Variants in CRYBG1 observed in about 807,000 individuals in gnomAD.
CRYBG1 encodes the protein beta/gamma crystallin domain-containing protein 1.
In CRYBG1, 139 loss-of-function variants were observed where a neutral mutation model predicts 189.2. That is an observed-to-expected ratio of 0.73 (90% CI 0.64 to 0.85). CRYBG1 has a LOEUF of 0.85. CRYBG1 is among the 40% of genes least tolerant of loss of function. CRYBG1 has a pLI of 0.00. For synonymous variants in CRYBG1, 1,023 were observed against 1,017.1 expected (o/e 1.01, Z -0.11); for missense variants, 2,611 against 2,675.8 (o/e 0.98, Z 0.53).
Position 106,473,034 on chromosome 6 carries a change from G to A in CRYBG1, c.312+21202G>A, listed in dbSNP as rs189013968. Among the ~76,000 whole-genome samples, 117 of 151,910 alleles carry A rather than the reference G, an allele frequency of 7.7e-4. 1 individual carries two copies. Among genetic ancestry groups the A allele is most frequent in the African/African-American group, 2.6e-3 (109 of 41,420 alleles). On this transcript the variant is annotated intron_variant, in intron 2 of 21. Transcript: ENST00000633556. ...TGTCATTTCTTACTTTTGTCAGCACGTACCTTTTCAAATCTTGAGGTTGTG... is the reference window on the plus strand; with the variant it reads ...TGTCATTTCTTACTTTTGTCAGCACATACCTTTTCAAATCTTGAGGTTGTG...
chr6:106,365,464 A>AAC (rs201492375), intron 1 of CRYBG1, among the ~76,000 whole-genome samples: 2 of 149,932 alleles, frequency 1.3e-5, no homozygotes, highest in South Asian at 4.2e-4. Context: ...AAAAAAAAAA[A>AAC]CATAAATAGA....
intron 2 of CRYBG1, among the ~76,000 whole-genome samples, chr6:106,483,849 AT>A (rs1490162775): frequency 6.6e-6 from 1 of 152,168 alleles, no homozygotes; most frequent in African/African-American, 2.4e-5. Context: ...TCTTTTGCCC[AT>A]TTTAAAATCA....
chr6:106,406,033 G>A (rs568292086), intron 1 of CRYBG1, among the ~76,000 whole-genome samples: 8 of 152,276 alleles, frequency 5.3e-5, no homozygotes, highest in South Asian at 2.1e-4. Context: ...TGAGTTTGAC[G>A]AATTGACAGA....
intron 2 of CRYBG1, among the ~76,000 whole-genome samples, chr6:106,481,398 T>G (rs142101026): frequency 1.6e-4 from 25 of 152,228 alleles, no homozygotes; most frequent in Non-Finnish European, 2.9e-4. Context: ...GCCATAGAAT[T>G]AAATCATGAG....
intron 16 of CRYBG1, among the ~76,000 whole-genome samples, chr6:106,554,541 G>A (rs1346435210): frequency 1.3e-5 from 2 of 151,974 alleles, no homozygotes; most frequent in African/African-American, 2.4e-5. Flanking sequence ...GAACCCAGGA[G>A]GCAGAGGTTG....
rs1774413106 is a variant in CRYBG1, at chr6:106,551,914, A to G, written c.5375A>G (p.Tyr1792Cys). Residue 1792 changes from tyrosine (Y) to cysteine (C), a missense_variant, in exon 14 of 22, where the codon TAT becomes TGT. Around this residue, in one of 3 missense-constraint regions of CRYBG1, gnomAD observed 1,622 missense variants for 1,735.0 expected, o/e 0.93. Coordinates refer to ENST00000633556, the MANE Select transcript of CRYBG1 (RefSeq NM_001371242.2). ...GEQYILDKGF[Y>C]TSFEDWGGKN... Reference sequence around the variant, plus strand: ...CAGTATATACTGGATAAAGGATTTTATACCAGTTTTGAGGACTGGGGAGGC... The same window carrying G: ...CAGTATATACTGGATAAAGGATTTTGTACCAGTTTTGAGGACTGGGGAGGC... 6.2e-7 allele frequency: 1 copy of G among 1,610,640 alleles called. No individual in the cohort carries two copies. The highest frequency in any genetic ancestry group is 1.3e-5 in the African/African-American group (1 of 74,980).
At position 106,525,289 on chromosome 6, in the gene CRYBG1, G is replaced by A. The variant is rs151152423; in HGVS notation, c.4315G>A (p.Asp1439Asn). The part of the protein sequence containing the change: ...PGKVVIYSEP[D>N]VSEKCIEVFS... ...GCAGGTAGTGATATATAGTGAACCC[G>A]ACGTCTCTGAGAAGTGCATTGAAGT... is the stretch of plus-strand genomic sequence containing the variant. The change falls in exon 6 of 22, where the codon GAC (aspartate) becomes AAC (asparagine). Residue 1439 changes from aspartate to asparagine, a missense_variant. This residue lies in a region of CRYBG1 where 1,622 missense variants were observed against 1,735.0 expected (regional missense o/e 0.93). Transcript: ENST00000633556. 7.4e-6 allele frequency: 12 copies of A among 1,613,970 alleles called. No individual in the cohort carries two copies. The highest frequency in any genetic ancestry group is 6.7e-5 in the East Asian group (3 of 44,866).
chr6:106,522,720 C>T (rs1773637804), intron 4 of CRYBG1, among the ~76,000 whole-genome samples: 1 of 152,156 alleles, frequency 6.6e-6, no homozygotes, highest in African/African-American at 2.4e-5. Flanking sequence ...CAGAAAATAC[C>T]TTGCACCTTT....
chr6:106,519,909 G>A lies in CRYBG1; in HGVS notation c.2701G>A (p.Asp901Asn). 1 of 1,614,136 alleles carries A rather than the reference G, an allele frequency of 6.2e-7. No individual in the cohort carries two copies. The change falls in exon 4 of 22, where the codon GAT becomes AAT. Residue 901 changes from aspartate to asparagine, a missense_variant. Coordinates refer to ENST00000633556, the MANE Select transcript of CRYBG1 (RefSeq NM_001371242.2). The part of the protein sequence containing the change: ...QSPISSFPCT[D>N]LKVSENHKGC... ...ACCCATAAGCAGTTTCCCATGCACT[G>A]ATCTAAAAGTGTCAGAAAACCATAA...
At chr6:106,460,079 C>T (rs552850896) in intron 2 of CRYBG1, among the ~76,000 whole-genome samples, 52 of 151,984 alleles carry the variant, frequency 3.4e-4, no homozygotes, top group Admixed American at 3.9e-4. Flanking sequence ...CTCTGCCTCC[C>T]GGGGTCATGC....
chr6:106,513,074 TC>T, intron 3 of CRYBG1, 35 bp downstream of exon 3: 1 of 1,577,634 alleles, frequency 6.3e-7, no homozygotes, highest in Non-Finnish European at 8.6e-7. Flanking sequence ...CGAGTTGCTG[TC>T]CGCACACGTG....
chr6:106,509,809 G>A (rs993241349), intron 2 of CRYBG1, among the ~76,000 whole-genome samples: 21 of 152,024 alleles, frequency 1.4e-4, no homozygotes, highest in Admixed American at 3.9e-4. Context: ...TGCTCTGACC[G>A]CCTCTCCCCC....
intron 4 of CRYBG1, among the ~76,000 whole-genome samples, chr6:106,523,955 C>T (rs1773670241): frequency 6.6e-6 from 1 of 152,134 alleles, no homozygotes; most frequent in Non-Finnish European, 1.5e-5. Context: ...TGGTCTCGAA[C>T]TCCTGACCTC....
At position 106,530,190 on chromosome 6, in the gene CRYBG1, T is replaced by C; in HGVS notation, c.4593T>C (p.Ser1531=). Residue 1531 remains serine, a synonymous_variant, in exon 8 of 22, where the codon AGT becomes AGC. Coordinates refer to ENST00000633556, the MANE Select transcript of CRYBG1 (RefSeq NM_001371242.2). The part of the protein sequence containing the change: ...IRHVVQDYRV[S]HIDLFTEPEG... The stretch of plus-strand genomic sequence containing the variant: ...TATTTTTTCAGGATTACAGAGTTAG[T>C]CACATTGACTTATTTACTGAACCAG... 6.2e-7 allele frequency: 1 copy of C among 1,611,544 alleles called. No homozygotes were observed. The highest frequency in any genetic ancestry group is 8.5e-7 in the Non-Finnish European group (1 of 1,178,794).
chr6:106,555,825 C>T lies in CRYBG1; in HGVS notation c.5643C>T (p.Gly1881=). ...GTAATCAATACGTGTTGGAAGAAGG[C>T]CATTATCCTTGTCTGTCTGCAATGG... is the stretch of plus-strand genomic sequence containing the variant. The part of the protein sequence containing the change: ...FTGNQYVLEE[G]HYPCLSAMGC... The change falls in exon 17 of 22, where the codon GGC becomes GGT. Residue 1881 remains glycine, a synonymous_variant. Transcript: ENST00000633556. The T allele has an allele frequency of 6.2e-7, 1 of 1,614,102 alleles. No individual in the cohort carries two copies. The highest frequency in any genetic ancestry group is 1.6e-4 in the Middle Eastern group (1 of 6,062).
intron 1 of CRYBG1, among the ~76,000 whole-genome samples, chr6:106,407,909 C>T (rs1042276280): frequency 6.6e-6 from 1 of 152,088 alleles, no homozygotes; most frequent in Admixed American, 6.6e-5. Context: ...TAAATGCCCA[C>T]AAGAGAAAGC....
In CRYBG1 at chr6:106,519,841, C is replaced by T. The variant is rs777119627; in HGVS notation, c.2633C>T (p.Ala878Val). ...CCTGGGCCTTCTCTTTCACTGTCTGCACCCGCTCCTGGGGATGTTCCCAAA... is the reference window on the plus strand; with the variant it reads ...CCTGGGCCTTCTCTTTCACTGTCTGTACCCGCTCCTGGGGATGTTCCCAAA... ...SSPGPSLSLSAPAPGDVPKDT... is the reference protein window; with the variant it reads ...SSPGPSLSLSVPAPGDVPKDT... The change falls in exon 4 of 22, where the codon GCA becomes GTA. Residue 878 changes from alanine to valine, a missense_variant. Physicochemically the swap from Ala to Val is moderately conservative, Grantham distance 64. This residue lies in a region of CRYBG1 where 1,622 missense variants were observed against 1,735.0 expected (regional missense o/e 0.93). Transcript: ENST00000633556. The T allele has an allele frequency of 9.9e-6, 16 of 1,614,094 alleles. No individual in the cohort carries two copies. Among genetic ancestry groups the T allele is most frequent in the African/African-American group, 2.7e-5 (2 of 74,940 alleles).
chr6:106,544,615 T>C lies in CRYBG1; in HGVS notation c.5084T>C (p.Leu1695Ser). The C allele has an allele frequency of 6.2e-7, 1 of 1,614,054 alleles. No homozygotes were observed. Among genetic ancestry groups the C allele is most frequent in the South Asian group, 1.1e-5 (1 of 91,076 alleles). Residue 1695 changes from leucine to serine, a missense_variant, in exon 12 of 22, where the codon TTG (leucine) becomes TCG (serine). Leu to Ser is a moderately radical substitution (Grantham distance 145, BLOSUM62 -2). Coordinates refer to ENST00000633556, the MANE Select transcript of CRYBG1 (RefSeq NM_001371242.2). ...CCTGGATTTACCGGTCATCAGTATTTGCTAGAAGAAGGAGAATACAGGGAC... is the reference window on the plus strand; with the variant it reads ...CCTGGATTTACCGGTCATCAGTATTCGCTAGAAGAAGGAGAATACAGGGAC... ...EKPGFTGHQY[L>S]LEEGEYRDWK...
At chr6:106,452,441 A>T (rs1413546255) in intron 2 of CRYBG1, among the ~76,000 whole-genome samples, 6 of 149,140 alleles carry the variant, frequency 4.0e-5, no homozygotes, top group African/African-American at 1.5e-4. Flanking sequence ...AAAAAAAAGA[A>T]TGAGCTTAAT....
Sources: gnomAD v4.1 joint callset for allele counts (sites outside exome capture counted in the v4.1 genomes callset) on GRCh38, gnomAD v4.1.1 for gene constraint, gnomAD v4.1.1 regional missense constraint, MANE v1.5 for transcripts, NCBI Gene and HGNC (gene_info 2026-07-23, HGNC 2026-07-21) for gene names.